Variants in APP observed in about 807,000 individuals in gnomAD.
APP encodes the protein amyloid beta precursor protein.
A neutral mutation model predicts 101.4 loss-of-function variants in APP; 31 were observed. That is an observed-to-expected ratio of 0.31 (90% CI 0.23 to 0.41). The LOEUF (loss-of-function observed/expected upper bound fraction) is 0.41. Ranked by LOEUF, APP falls within the 10% of genes least tolerant of loss-of-function variation. The pLI is 1.00. For missense variants in APP, 839 were observed against 1,003.7 expected (o/e 0.84, Z 2.22); for synonymous variants, 366 against 364.4 (o/e 1.00, Z -0.05).
chr21:26,108,697 C>A (rs1362156547), intron 2 of APP, among the ~76,000 whole-genome samples: 1 of 152,040 alleles, frequency 6.6e-6, no homozygotes, highest in Non-Finnish European at 1.5e-5. Flanking sequence ...ACCAGCCTGG[C>A]CAACATGGTG....
chr21:25,904,462 A>C (rs1156524720), intron 15 of APP, among the ~76,000 whole-genome samples: 2 of 152,262 alleles, frequency 1.3e-5, no homozygotes, highest in Non-Finnish European at 2.9e-5. Context: ...TTAGCCACTC[A>C]TTGAGAATAA....
At chr21:25,950,633 C>T (rs888577949) in intron 13 of APP, among the ~76,000 whole-genome samples, 7 of 152,146 alleles carry the variant, frequency 4.6e-5, no homozygotes, top group Non-Finnish European at 8.8e-5. Flanking sequence ...CCACTGCCGC[C>T]GGCCTGCAGC....
rs923163554 is a variant in APP, at chr21:26,011,078, T to A, written c.865+10762A>T. ...ATTTCTCTGTTCACTTTTTTATTTT[T>A]ATTTATTTATTTTTGAGACGGCATC... On this transcript the variant is annotated intron_variant, in intron 6 of 17. Coordinates refer to ENST00000346798, the MANE Select transcript of APP (RefSeq NM_000484.4). 1.1e-4 allele frequency among the ~76,000 whole-genome samples: 16 copies of A among 147,990 alleles called. No homozygotes were observed. In the East Asian group the frequency reaches 2.9e-3, roughly 27 times the overall value.
Position 26,112,225 on chromosome 21 carries a change from CAA to C in APP, c.58-81_58-80del, listed in dbSNP as rs1278398807. 3 of 1,446,322 alleles carry C rather than the reference CAA, an allele frequency of 2.1e-6. No homozygotes were observed. The African/African-American group carries it at 4.2e-5, about 20-fold the overall frequency. The allele number at this position is 1,446,322 out of a possible 1,614,324, so 89.6% of individuals were successfully genotyped here. On this transcript the variant is annotated intron_variant, in intron 1 of 17. Coordinates refer to ENST00000346798, the MANE Select transcript of APP (RefSeq NM_000484.4). Reference sequence around the variant, plus strand: ...TTGGAGGAAGAACAGGGATAACTATCAAAAAGAGTTCTATTCTTGCTCATTCT... The same window carrying C: ...TTGGAGGAAGAACAGGGATAACTATCAAAGAGTTCTATTCTTGCTCATTCT...
chr21:26,139,761 C>T (rs1476118630), intron 1 of APP, among the ~76,000 whole-genome samples: 4 of 152,066 alleles, frequency 2.6e-5, no homozygotes, highest in Admixed American at 1.3e-4. Flanking sequence ...GACGTGGTGG[C>T]ACACACCTGT....
intron 14 of APP, among the ~76,000 whole-genome samples, chr21:25,911,190 C>T (rs935038828): frequency 2.6e-5 from 4 of 152,210 alleles, no homozygotes; most frequent in Non-Finnish European, 4.4e-5. Flanking sequence ...ATATGATATA[C>T]AGTACATGCT....
chr21:25,930,510 G>C (rs941508287), intron 13 of APP, among the ~76,000 whole-genome samples: 8 of 152,060 alleles, frequency 5.3e-5, no homozygotes, highest in Non-Finnish European at 1.2e-4. Context: ...CATACATAGT[G>C]AATTTCATTC....
rs149056255 is a variant in APP, at chr21:26,025,154, A to G, written c.663-3112T>C. Among the ~76,000 whole-genome samples the G allele has an allele frequency of 4.6e-4, 70 of 152,324 alleles. No individual in the cohort carries two copies. The East Asian group carries it at 8.7e-3, about 19-fold the overall frequency. ...CCAAATTATTGCACGAAAGTTTACT[A>G]CGTGGGGCTACATTTCAAAAGAATC... is the stretch of plus-strand genomic sequence containing the variant. On this transcript the variant is annotated intron_variant, in intron 5 of 17. Coordinates refer to ENST00000346798, the MANE Select transcript of APP (RefSeq NM_000484.4).
At chr21:25,881,946 T>G (rs573378125) in intron 17 of APP, among the ~76,000 whole-genome samples, 175 bp from the exon 18 acceptor site, 2 of 152,288 alleles carry the variant, frequency 1.3e-5, no homozygotes, top group South Asian at 4.2e-4. Context: ...TGCCCACCAG[T>G]TACACAGATG....
rs1259391920 is a variant in APP at position 26,170,730 on chromosome 21, T to C, written c.-110A>G. 1.7e-6 allele frequency: 2 copies of C among 1,163,784 alleles called. No individual in the cohort carries two copies. The highest frequency in any genetic ancestry group is 2.3e-6 in the Non-Finnish European group (2 of 873,018). The allele number at this position is 1,163,784 out of a possible 1,614,324, so 72.1% of individuals were successfully genotyped here. The stretch of plus-strand genomic sequence containing the variant: ...CGTCTCCCGGGGCCCCCGCGCACGC[T>C]CCTCCGCGTGCTCTCGCCTACCGCT... On this transcript the variant is annotated 5_prime_UTR_variant, in exon 1 of 18. Transcript: ENST00000346798.
chr21:25,910,219 C>G (rs1230828014), intron 14 of APP, among the ~76,000 whole-genome samples: 1 of 152,030 alleles, frequency 6.6e-6, no homozygotes, highest in Non-Finnish European at 1.5e-5. Flanking sequence ...CGTCCGCCTC[C>G]CGGGTTCATG....
At position 25,976,590 on chromosome 21, in the gene APP, A is replaced by G. The variant is rs150461249; in HGVS notation, c.1225-562T>C. ...CCTTTAAAGAACTGATGGGGAATTAAGGCCCTTTGAGCTTGCCAACCTAAG... is the reference window on the plus strand; with the variant it reads ...CCTTTAAAGAACTGATGGGGAATTAGGGCCCTTTGAGCTTGCCAACCTAAG... On this transcript the variant is annotated intron_variant, in intron 9 of 17. Transcript: ENST00000346798. 5.9e-5 allele frequency among the ~76,000 whole-genome samples: 9 copies of G among 152,352 alleles called. No homozygotes were observed. In the East Asian group the frequency reaches 1.7e-3, roughly 29 times the overall value.
chr21:25,983,962 T>G (rs1290727096), intron 8 of APP, among the ~76,000 whole-genome samples: 1 of 152,198 alleles, frequency 6.6e-6, no homozygotes, highest in Admixed American at 6.5e-5. Context: ...GCAGGAAACT[T>G]AAGCACTCCA....
intron 2 of APP, 71 bp from the exon 3 acceptor site, chr21:26,090,143 C>T: frequency 1.2e-6 from 2 of 1,601,428 alleles, no homozygotes; most frequent in East Asian, 4.5e-5. Flanking sequence ...ATCTAACAAG[C>T]CTCCACTGTA....
At chr21:26,023,291 A>G (rs1344849376) in intron 5 of APP, among the ~76,000 whole-genome samples, 1 of 151,468 alleles carries the variant, frequency 6.6e-6, no homozygotes, top group African/African-American at 2.4e-5. Context: ...GCACTGTGGA[A>G]GGCTGAGGTG....
intron 1 of APP, among the ~76,000 whole-genome samples, chr21:26,157,658 C>T (rs1269292881): frequency 6.6e-6 from 1 of 152,092 alleles, no homozygotes; most frequent in Non-Finnish European, 1.5e-5. Flanking sequence ...CTTTCTGTGA[C>T]GTATCTTCAT....
At position 25,954,687 on chromosome 21, in the gene APP, A is replaced by C; in HGVS notation, c.1590T>G (p.Val530=). The C allele has an allele frequency of 6.2e-7, 1 of 1,612,890 alleles. No individual in the cohort carries two copies. The highest frequency in any genetic ancestry group is 8.5e-7 in the Non-Finnish European group (1 of 1,178,994). ...CATAAATCACACGGAGGTGTGTCAT[A>C]ACCTGCATCAAAGGATGACAACTCC... ...PKKAAQIRSQ[V]MTHLRVIYER... The change falls in exon 13 of 18, where the codon GTT becomes GTG. Residue 530 remains valine, a splice_region_variant and synonymous_variant. Coordinates refer to ENST00000346798, the MANE Select transcript of APP (RefSeq NM_000484.4).
chr21:26,051,425 A>G (rs899117053), intron 4 of APP, among the ~76,000 whole-genome samples: 2 of 152,184 alleles, frequency 1.3e-5, no homozygotes, highest in Admixed American at 6.5e-5. Context: ...CCACGATGTT[A>G]TATAATAGAG....
At position 26,000,085 on chromosome 21, in the gene APP, G is replaced by A. The variant is rs150676543; in HGVS notation, c.963C>T (p.Tyr321=). The change falls in exon 7 of 18, where the codon TAC becomes TAT. Residue 321 remains tyrosine, a synonymous_variant. Coordinates refer to ENST00000346798, the MANE Select transcript of APP (RefSeq NM_000484.4). ...VTEGKCAPFF[Y]GGCGGNRNNF... ...TGTTCCGGTTGCCGCCACATCCGCC[G>A]TAAAAGAATGGGGCACACTTCCCTT... 153 of 1,614,016 alleles carry A rather than the reference G, an allele frequency of 9.5e-5. No homozygotes were observed. The highest frequency in any genetic ancestry group is 1.1e-4 in the Non-Finnish European group (128 of 1,180,012).
Sources: gnomAD v4.1 joint callset for allele counts (sites outside exome capture counted in the v4.1 genomes callset) on GRCh38, gnomAD v4.1.1 for gene constraint, MANE v1.5 for transcripts, NCBI Gene and HGNC (gene_info 2026-07-23, HGNC 2026-07-21) for gene names.